SPOCK3: variants seen among roughly 807,000 people sequenced by gnomAD.
SPOCK3 encodes the protein testican-3.
Under a neutral mutation model 56.6 loss-of-function variants are expected in SPOCK3, and 30 were observed. The observed-to-expected ratio is 0.53, with a 90% CI of 0.40 to 0.72. The LOEUF (loss-of-function observed/expected upper bound fraction) is 0.72, where lower values mean the gene tolerates loss of function less well. Among genes scored for constraint, SPOCK3 ranks in the 30% least tolerant of loss-of-function variants. SPOCK3 has a pLI of 0.00. For missense variants in SPOCK3, 527 were observed against 530.0 expected (o/e 0.99, Z 0.06); for synonymous variants, 196 against 183.3 (o/e 1.07, Z -0.56).
At chr4:166,793,927 A>C (rs938792810) in intron 6 of SPOCK3, among the ~76,000 whole-genome samples, 2 of 152,122 alleles carry the variant, frequency 1.3e-5, no homozygotes, top group Admixed American at 6.5e-5. Context: ...GATACACCAG[A>C]GATTAAATCA....
chr4:166,808,644 T>C (rs939469992), intron 6 of SPOCK3, among the ~76,000 whole-genome samples: 6 of 152,146 alleles, frequency 3.9e-5, no homozygotes, highest in African/African-American at 1.2e-4. Flanking sequence ...TATGGCAGCC[T>C]GAGCTAACTA....
At chr4:167,112,029 G>A (rs59266230) in intron 2 of SPOCK3, among the ~76,000 whole-genome samples, 28,961 of 151,968 alleles carry the variant, frequency 0.19, 3,667 homozygotes, top group African/African-American at 0.34. Flanking sequence ...CAAAGTGCTG[G>A]GATTACAGGC....
chr4:167,148,118 T>C (rs756526599), intron 2 of SPOCK3, among the ~76,000 whole-genome samples: 2 of 152,138 alleles, frequency 1.3e-5, no homozygotes, highest in Admixed American at 6.6e-5. Flanking sequence ...CCATATTTCA[T>C]CACTCTCAAC....
chr4:167,058,264 T>C (rs938534374), intron 3 of SPOCK3, among the ~76,000 whole-genome samples: 6 of 152,100 alleles, frequency 3.9e-5, no homozygotes, highest in Admixed American at 6.6e-5. Context: ...TTGTCTCAGC[T>C]GAAAATCTCC....
At chr4:167,116,625 A>ATATACTATATACGTATCG (rs1554038945) in intron 2 of SPOCK3, among the ~76,000 whole-genome samples, 12 of 125,216 alleles carry the variant, frequency 9.6e-5, no homozygotes, top group African/African-American at 3.8e-4. Context: ...ATATATATAC[A>ATATACTATATACGTATCG]TATATACTAT....
At chr4:166,976,689 T>C (rs945383728) in intron 4 of SPOCK3, among the ~76,000 whole-genome samples, 11 of 152,106 alleles carry the variant, frequency 7.2e-5, no homozygotes, top group African/African-American at 2.4e-4. Flanking sequence ...AAAATTAAGT[T>C]TCTGTACCTC....
intron 6 of SPOCK3, among the ~76,000 whole-genome samples, chr4:166,804,563 CATTAAG>C (rs1218171567): frequency 1.3e-5 from 2 of 152,106 alleles, no homozygotes; most frequent in Admixed American, 6.6e-5. Context: ...GCATTGTGAA[CATTAAG>C]AAGCTCTTCT....
chr4:167,213,706 C>A (rs1281255527), intron 2 of SPOCK3, among the ~76,000 whole-genome samples: 1 of 150,386 alleles, frequency 6.6e-6, no homozygotes, highest in Non-Finnish European at 1.5e-5. Context: ...AACATCAAGG[C>A]TTCAATATAA....
chr4:167,210,683 C>A (rs1444972616), intron 2 of SPOCK3, among the ~76,000 whole-genome samples: 4 of 151,960 alleles, frequency 2.6e-5, no homozygotes, highest in African/African-American at 7.2e-5. Context: ...AAAGTGTTTT[C>A]TCATACATTT....
At chr4:167,179,501 C>A (rs1266545189) in intron 2 of SPOCK3, among the ~76,000 whole-genome samples, 1 of 152,116 alleles carries the variant, frequency 6.6e-6, no homozygotes, top group Non-Finnish European at 1.5e-5. Flanking sequence ...TAATTTCCCA[C>A]AGGAAATATA....
At chr4:167,153,921 A>G (rs958060479) in intron 2 of SPOCK3, among the ~76,000 whole-genome samples, 1 of 93,064 alleles carries the variant, frequency 1.1e-5, no homozygotes, top group East Asian at 3.2e-4. Context: ...ACTAGGCTTT[A>G]ATCACTGTCA....
At chr4:167,011,207 G>T in intron 3 of SPOCK3, 1 of 443,382 alleles carries the variant, frequency 2.3e-6, no homozygotes, top group Non-Finnish European at 4.5e-6. Context: ...AAAAAAAAAT[G>T]CGGGAAAAGC....
intron 7 of SPOCK3, among the ~76,000 whole-genome samples, chr4:166,779,137 A>G (rs186720056): frequency 6.6e-6 from 1 of 152,296 alleles, no homozygotes; most frequent in African/African-American, 2.4e-5. Context: ...TGAGACCAAC[A>G]AAGTTAATCA....
intron 7 of SPOCK3, among the ~76,000 whole-genome samples, chr4:166,791,007 A>AT (rs1343418020): frequency 6.6e-6 from 1 of 152,150 alleles, no homozygotes; most frequent in East Asian, 1.9e-4. Context: ...AAATATTTAC[A>AT]TTTGCCAAAA....
At chr4:166,989,626 C>G (rs1747551851) in intron 4 of SPOCK3, among the ~76,000 whole-genome samples, 1 of 152,146 alleles carries the variant, frequency 6.6e-6, no homozygotes. Context: ...AACACTTACA[C>G]AGTCTCCTAT....
chr4:166,880,320 G>T (rs1733558133), intron 6 of SPOCK3, among the ~76,000 whole-genome samples: 1 of 152,006 alleles, frequency 6.6e-6, no homozygotes, highest in Non-Finnish European at 1.5e-5. Flanking sequence ...CTCAGCTTCT[G>T]GTACACTGTT....
chr4:166,855,026 G>A (rs1230954627), intron 6 of SPOCK3, among the ~76,000 whole-genome samples: 2 of 152,072 alleles, frequency 1.3e-5, no homozygotes, highest in African/African-American at 4.8e-5. Context: ...TCCTTTATCT[G>A]CCTAAGATCC....
intron 8 of SPOCK3, among the ~76,000 whole-genome samples, chr4:166,747,867 A>G (rs1198561672): frequency 1.3e-5 from 2 of 152,084 alleles, no homozygotes; most frequent in Non-Finnish European, 2.9e-5. Flanking sequence ...CCAAATCATG[A>G]GTGAACTCCC....
intron 4 of SPOCK3, among the ~76,000 whole-genome samples, chr4:166,969,505 T>TTTAACACATTAAATGTGTTTAACACTG: frequency 8.2e-6 from 1 of 121,546 alleles, no homozygotes; most frequent in South Asian, 2.2e-4. Context: ...GTTTAACACT[T>TTTAACACATTAAATGTGTTTAACACTG]TTAACACATT....
Sources: allele counts gnomAD v4.1 joint callset (sites outside exome capture counted in the v4.1 genomes callset), GRCh38; gene constraint gnomAD v4.1.1; transcripts MANE v1.5; gene names NCBI Gene and HGNC (gene_info 2026-07-23, HGNC 2026-07-21).